Variants in FAM111B observed in about 807,000 individuals in gnomAD.
FAM111B encodes FAM111 trypsin like peptidase B, also known as serine protease FAM111B.
FAM111B carries 1 observed loss-of-function variant against 2.8 expected under a neutral mutation model. That is an observed-to-expected ratio of 0.36 (90% CI 0.13 to 1.70). The LOEUF is 1.70. Among genes scored for constraint, FAM111B ranks in the 40% most tolerant of loss-of-function variants. FAM111B has a pLI of 0.35. For synonymous variants in FAM111B, 297 were observed against 295.6 expected (o/e 1.00, Z -0.05); for missense variants, 882 against 878.9 (o/e 1.00, Z -0.04).
rs550771267 is a variant in FAM111B, at chr11:59,124,357, G to A, written c.260G>A (p.Gly87Glu). 2.2e-5 allele frequency: 36 copies of A among 1,613,708 alleles called. No homozygotes were observed. The South Asian group carries it at 2.9e-4, about 13-fold the overall frequency. Residue 87 changes from glycine to glutamate, a missense_variant, in exon 4 of 4, where the codon GGA becomes GAA. Coordinates refer to ENST00000343597, the MANE Select transcript of FAM111B (RefSeq NM_198947.4). ...TGTTGTTTCACCTTTACGTTGAATG[G>A]AAACTCCAGAAAATTAGACCGTAGT... ...KECCFTFTLN[G>E]NSRKLDRSVF...
rs1565190894 is a variant in FAM111B at position 59,125,139 on chromosome 11, T to G, written c.1042T>G (p.Tyr348Asp). ...CCAGACAATTCCCAGGATTAGAAATTATTACTTTTGTAGTTTGCCCCGAAA... is the reference window on the plus strand; with the variant it reads ...CCAGACAATTCCCAGGATTAGAAATGATTACTTTTGTAGTTTGCCCCGAAA... ...TRQTIPRIRN[Y>D]YFCSLPRKYR... The change falls in exon 4 of 4, where the codon TAT (tyrosine) becomes GAT (aspartate). Residue 348 changes from tyrosine to aspartate, a missense_variant. Transcript: ENST00000343597. The G allele has an allele frequency of 6.2e-7, 1 of 1,613,904 alleles. No individual in the cohort carries two copies. Among genetic ancestry groups the G allele is most frequent in the Admixed American group, 1.7e-5 (1 of 59,998 alleles).
intron 3 of FAM111B, among the ~76,000 whole-genome samples, chr11:59,119,749 T>C (rs1859892738): frequency 1.3e-5 from 2 of 152,190 alleles, no homozygotes; most frequent in African/African-American, 2.4e-5. Flanking sequence ...ATTTCCCTTA[T>C]AATGAGGGAG....
At chr11:59,118,114 A>G (rs1243252899) in intron 3 of FAM111B, among the ~76,000 whole-genome samples, 1 of 152,216 alleles carries the variant, frequency 6.6e-6, no homozygotes, top group African/African-American at 2.4e-5. Flanking sequence ...GGTACTTTCC[A>G]TGTTTCATCT....
intron 3 of FAM111B, among the ~76,000 whole-genome samples, chr11:59,120,733 A>T (rs1280735589): frequency 6.6e-6 from 1 of 152,176 alleles, no homozygotes; most frequent in Admixed American, 6.6e-5. Flanking sequence ...TATCAAGGGT[A>T]TTGGATTAGA....
intron 3 of FAM111B, among the ~76,000 whole-genome samples, chr11:59,118,664 C>T (rs571227793): frequency 9.9e-5 from 15 of 152,220 alleles, no homozygotes; most frequent in East Asian, 9.6e-4. Flanking sequence ...CAATCCTACA[C>T]GATTAAGTAT....
chr11:59,122,180 G>T (rs1429374737), intron 3 of FAM111B, among the ~76,000 whole-genome samples: 1 of 152,102 alleles, frequency 6.6e-6, no homozygotes, highest in Admixed American at 6.5e-5. Context: ...AATAAGTAGT[G>T]CAAATCACAG....
intron 3 of FAM111B, among the ~76,000 whole-genome samples, chr11:59,113,199 G>A (rs1470688984): frequency 5.2e-5 from 4 of 76,994 alleles, no homozygotes; most frequent in African/African-American, 3.5e-4. Flanking sequence ...GTGTGTTTGT[G>A]TAAATTGTGT....
At chr11:59,109,944 A>T in intron 3 of FAM111B, 1 of 295,480 alleles carries the variant, frequency 3.4e-6, no homozygotes, top group Admixed American at 4.8e-5. Flanking sequence ...AGACACTTAA[A>T]GTCTTGGAAA....
chr11:59,124,731 T>G lies in FAM111B; in HGVS notation c.634T>G (p.Cys212Gly). Residue 212 changes from cysteine (C) to glycine (G), a missense_variant, in exon 4 of 4, where the codon TGT becomes GGT. By Grantham distance (159) the Cys-to-Gly change is radical. Coordinates refer to ENST00000343597, the MANE Select transcript of FAM111B (RefSeq NM_198947.4). ...NELHEKGSKL[C>G]IYALKGETIE... ...ACTTCATGAAAAAGGAAGTAAACTT[T>G]GTATTTATGCCTTGAAGGGTGAGAC... The G allele has an allele frequency of 6.2e-7, 1 of 1,613,772 alleles. No individual in the cohort carries two copies. Among genetic ancestry groups the G allele is most frequent in the South Asian group, 1.1e-5 (1 of 91,032 alleles).
chr11:59,119,867 TGAAAA>T (rs1859894568), intron 3 of FAM111B, among the ~76,000 whole-genome samples: 1 of 152,080 alleles, frequency 6.6e-6, no homozygotes, highest in Admixed American at 6.5e-5. Flanking sequence ...ATTTGAGAAT[TGAAAA>T]GAAGGGAACA....
At chr11:59,121,062 A>AT (rs1231140153) in intron 3 of FAM111B, among the ~76,000 whole-genome samples, 3 of 145,326 alleles carry the variant, frequency 2.1e-5, no homozygotes, top group African/African-American at 5.4e-5. Flanking sequence ...AACCTTTACA[A>AT]TTTTTTGAAA....
At position 59,126,552 on chromosome 11, in the gene FAM111B, G is replaced by C; in HGVS notation, c.*250G>C. 1 of 316,966 alleles carries C rather than the reference G, an allele frequency of 3.2e-6. No homozygotes were observed. The highest frequency in any genetic ancestry group is 5.7e-6 in the Non-Finnish European group (1 of 175,626). 19.6% of individuals were successfully genotyped at this position (316,966 alleles called of 1,614,324 possible). ...ATTAGGAACTTAAACAGATTAACAA[G>C]CAAAAAAAACAAGCAACCCCATTAA... is the stretch of plus-strand genomic sequence containing the variant. On this transcript the variant is annotated 3_prime_UTR_variant, in exon 4 of 4. Transcript: ENST00000343597.
At chr11:59,120,486 A>G (rs1859904311) in intron 3 of FAM111B, among the ~76,000 whole-genome samples, 1 of 152,202 alleles carries the variant, frequency 6.6e-6, no homozygotes, top group African/African-American at 2.4e-5. Flanking sequence ...TCTTAGGGGT[A>G]ATAAAGTACC....
At chr11:59,118,868 A>G (rs1859879645) in intron 3 of FAM111B, among the ~76,000 whole-genome samples, 1 of 152,236 alleles carries the variant, frequency 6.6e-6, no homozygotes, top group Non-Finnish European at 1.5e-5. Context: ...TATATTTTTC[A>G]AAATTAAACC....
At position 59,124,814 on chromosome 11, in the gene FAM111B, A is replaced by T. The variant is rs1859988082; in HGVS notation, c.717A>T (p.Glu239Asp). The T allele has an allele frequency of 2.5e-6, 4 of 1,613,790 alleles. No individual in the cohort carries two copies. In the African/African-American group the frequency reaches 5.3e-5, roughly 22 times the overall value. ...GRFRSDIGEFEWKLKEGHKKI... is the reference protein window; with the variant it reads ...GRFRSDIGEFDWKLKEGHKKI... Reference sequence around the variant, plus strand: ...TTCGGTCTGACATAGGTGAATTTGAATGGAAACTAAAGGAAGGTCATAAGA... The same window carrying T: ...TTCGGTCTGACATAGGTGAATTTGATTGGAAACTAAAGGAAGGTCATAAGA... The change falls in exon 4 of 4, where the codon GAA (glutamate) becomes GAT (aspartate). Residue 239 changes from glutamate to aspartate, a missense_variant. Coordinates refer to ENST00000343597, the MANE Select transcript of FAM111B (RefSeq NM_198947.4).
chr11:59,121,945 C>A (rs1176001763), intron 3 of FAM111B, among the ~76,000 whole-genome samples: 1 of 152,070 alleles, frequency 6.6e-6, no homozygotes, highest in African/African-American at 2.4e-5. Flanking sequence ...GAGTTGAAGA[C>A]CAGCCTGGCC....
At position 59,124,897 on chromosome 11, in the gene FAM111B, A is replaced by G; in HGVS notation, c.800A>G (p.Asp267Gly). The change falls in exon 4 of 4, where the codon GAC (aspartate) becomes GGC (glycine). Residue 267 changes from aspartate to glycine, a missense_variant. By Grantham distance (94) the Asp-to-Gly change is moderately conservative (BLOSUM62 -1). Coordinates refer to ENST00000343597, the MANE Select transcript of FAM111B (RefSeq NM_198947.4). ...DEVSGKVLEM[D>G]ISKKKALQQK... ...GTATCTGGAAAAGTCTTAGAAATGGACATTTCAAAAAAAAAAGCATTACAA... is the reference window on the plus strand; with the variant it reads ...GTATCTGGAAAAGTCTTAGAAATGGGCATTTCAAAAAAAAAAGCATTACAA... 2.5e-6 allele frequency: 4 copies of G among 1,600,466 alleles called. No individual in the cohort carries two copies. Among genetic ancestry groups the G allele is most frequent in the Non-Finnish European group, 3.4e-6 (4 of 1,176,322 alleles).
At chr11:59,115,674 A>G (rs1859827724) in intron 3 of FAM111B, among the ~76,000 whole-genome samples, 1 of 152,226 alleles carries the variant, frequency 6.6e-6, no homozygotes, top group Non-Finnish European at 1.5e-5. Flanking sequence ...GGTGGAGTGT[A>G]GAGTGTGCAG....
rs779703194 is a variant in FAM111B at position 59,125,747 on chromosome 11, AAAAG to A, written c.1654_1657del (p.Glu552MetfsTer21). ...ATCTAGATTATGCCATTTTAAAACT[AAAAG>A]AAAATGGAAATGCGTTTCCTCCAGG... On this transcript the variant is annotated frameshift_variant, in exon 4 of 4. Transcript: ENST00000343597. LOFTEE classifies it low-confidence loss of function (END_TRUNC). 16 of 1,613,788 alleles carry A rather than the reference AAAAG, an allele frequency of 9.9e-6. No individual in the cohort carries two copies. The East Asian group carries it at 2.7e-4, about 27-fold the overall frequency.
Sources: allele counts gnomAD v4.1 joint callset (sites outside exome capture counted in the v4.1 genomes callset), GRCh38; gene constraint gnomAD v4.1.1; transcripts MANE v1.5; gene names NCBI Gene and HGNC (gene_info 2026-07-23, HGNC 2026-07-21).